L2HGDH: variants seen among roughly 807,000 people sequenced by gnomAD.
L2HGDH encodes L-2-hydroxyglutarate dehydrogenase, mitochondrial.
Under a neutral mutation model 51.5 loss-of-function variants are expected in L2HGDH, and 34 were observed. The observed-to-expected ratio is 0.66, with a 90% CI of 0.50 to 0.88. L2HGDH has a LOEUF of 0.88. L2HGDH is among the 40% of genes least tolerant of loss of function. The pLI is 0.00. For synonymous variants in L2HGDH, 198 were observed against 197.9 expected (o/e 1.00, Z -0.01); for missense variants, 558 against 571.9 (o/e 0.98, Z 0.25).
chr14:50,275,675 T>A (rs1889938407), intron 6 of L2HGDH, among the ~76,000 whole-genome samples: 1 of 152,230 alleles, frequency 6.6e-6, no homozygotes. Flanking sequence ...TAGCACTAGC[T>A]GGCTGGCAAC....
intron 4 of L2HGDH, among the ~76,000 whole-genome samples, chr14:50,290,128 G>T (rs1415955002): frequency 1.3e-5 from 2 of 152,212 alleles, no homozygotes; most frequent in East Asian, 1.9e-4. Context: ...TTAGCCAGGT[G>T]TGGTGGTGGG....
intron 4 of L2HGDH, chr14:50,293,353 G>T (rs543787980): frequency 1.5e-6 from 1 of 686,024 alleles, no homozygotes; most frequent in Non-Finnish European, 2.6e-6. Context: ...CAAATGGACT[G>T]TAGATCTAAA....
In L2HGDH at chr14:50,245,079, C is replaced by G. The variant is rs1887938804; in HGVS notation, c.*1979G>C. 2.0e-6 allele frequency: 2 copies of G among 985,658 alleles called. No individual in the cohort carries two copies. The highest frequency in any genetic ancestry group is 9.4e-5 in the South Asian group (2 of 21,292). 61.1% of individuals were successfully genotyped at this position (985,658 alleles called of 1,614,324 possible). ...CAGCACTGGGCATCAACTTAAAATA[C>G]TCATGAGGTGAATGTAAGGCACTTT... On this transcript the variant is annotated 3_prime_UTR_variant, in exon 10 of 10. Coordinates refer to ENST00000267436, the MANE Select transcript of L2HGDH (RefSeq NM_024884.3).
chr14:50,256,928 T>C (rs1263294900), intron 9 of L2HGDH, among the ~76,000 whole-genome samples: 2 of 152,142 alleles, frequency 1.3e-5, no homozygotes, highest in Non-Finnish European at 2.9e-5. Context: ...AGTTTTCTTT[T>C]CCATGTCTTA....
At chr14:50,306,408 G>A (rs2030729850) in intron 1 of L2HGDH, among the ~76,000 whole-genome samples, 1 of 152,044 alleles carries the variant, frequency 6.6e-6, no homozygotes, top group Non-Finnish European at 1.5e-5. Flanking sequence ...GTGTGTATAA[G>A]AGAGATATCT....
intron 9 of L2HGDH, among the ~76,000 whole-genome samples, chr14:50,251,804 A>T (rs1888367688): frequency 6.6e-6 from 1 of 152,096 alleles, no homozygotes; most frequent in Non-Finnish European, 1.5e-5. Flanking sequence ...AAGGAGAAAT[A>T]CTTTCCCAGA....
chr14:50,249,913 T>A (rs1309930754), intron 9 of L2HGDH, among the ~76,000 whole-genome samples: 4 of 71,150 alleles, frequency 5.6e-5, no homozygotes, highest in African/African-American at 1.1e-4. Context: ...TTTTTTTTTT[T>A]TTTTGTGAGA....
chr14:50,301,963 T>C (rs762487736), intron 3 of L2HGDH, 54 bp downstream of exon 3: 33 of 1,562,402 alleles, frequency 2.1e-5, no homozygotes, highest in Non-Finnish European at 2.8e-5. Context: ...ATATTAAACA[T>C]CACTAAGCAA....
intron 9 of L2HGDH, among the ~76,000 whole-genome samples, chr14:50,260,829 A>G (rs1188277162): frequency 6.6e-6 from 1 of 152,160 alleles, no homozygotes; most frequent in Non-Finnish European, 1.5e-5. Context: ...TAAACATTCT[A>G]CAATGGCTGG....
intron 4 of L2HGDH, among the ~76,000 whole-genome samples, chr14:50,290,543 C>T (rs1461959328): frequency 2.0e-5 from 3 of 152,184 alleles, no homozygotes; most frequent in Admixed American, 6.5e-5. Flanking sequence ...ACTATCTAGG[C>T]TTATGATCTC....
chr14:50,304,375 T>G (rs931950194), intron 1 of L2HGDH, among the ~76,000 whole-genome samples: 1 of 152,236 alleles, frequency 6.6e-6, no homozygotes, highest in Non-Finnish European at 1.5e-5. Context: ...CTCTTGACAA[T>G]GTGTTAACAC....
chr14:50,271,456 T>A (rs1346692108), intron 6 of L2HGDH, among the ~76,000 whole-genome samples: 1 of 152,252 alleles, frequency 6.6e-6, no homozygotes, highest in Non-Finnish European at 1.5e-5. Context: ...TTTTATGCTA[T>A]ATGTGAAACA....
chr14:50,269,730 G>C (rs934674261), intron 6 of L2HGDH, among the ~76,000 whole-genome samples: 1 of 151,428 alleles, frequency 6.6e-6, no homozygotes, highest in African/African-American at 2.4e-5. Flanking sequence ...AATTTTTTTT[G>C]CTCCCCCACC....
chr14:50,306,049 CT>C (rs34244656), intron 1 of L2HGDH, among the ~76,000 whole-genome samples: 62,740 of 141,150 alleles, frequency 0.44, 13,418 homozygotes, highest in East Asian at 0.65. Context: ...TTTTGACTGA[CT>C]TTTTTTTTTT....
intron 4 of L2HGDH, among the ~76,000 whole-genome samples, chr14:50,288,253 A>G (rs1890671231): frequency 6.6e-6 from 1 of 152,206 alleles, no homozygotes; most frequent in South Asian, 2.1e-4. Flanking sequence ...CGGGAAGGAC[A>G]TGTTTAATAA....
intron 1 of L2HGDH, among the ~76,000 whole-genome samples, chr14:50,307,801 C>T (rs1167463644): frequency 6.6e-6 from 1 of 152,078 alleles, no homozygotes; most frequent in Non-Finnish European, 1.5e-5. Flanking sequence ...TCTAAAAACA[C>T]ACACTACCAT....
chr14:50,282,649 TTC>T (rs1333791530), intron 5 of L2HGDH: 2 of 376,232 alleles, frequency 5.3e-6, no homozygotes, highest in Non-Finnish European at 5.3e-6. Context: ...TGTGCCTGTT[TTC>T]TCACCCTAAA....
At chr14:50,308,200 T>C (rs2030841964) in intron 1 of L2HGDH, among the ~76,000 whole-genome samples, 1 of 152,074 alleles carries the variant, frequency 6.6e-6, no homozygotes, top group Admixed American at 6.5e-5. Context: ...AGACCAGCCA[T>C]GCCAACATGG....
chr14:50,302,438 C>T (rs1182420615), intron 2 of L2HGDH, among the ~76,000 whole-genome samples: 2 of 152,202 alleles, frequency 1.3e-5, no homozygotes, highest in Non-Finnish European at 2.9e-5. Flanking sequence ...GGGCTCTTTG[C>T]ACTCTGCCTT....
Sources: gnomAD v4.1 joint callset for allele counts (sites outside exome capture counted in the v4.1 genomes callset) on GRCh38, gnomAD v4.1.1 for gene constraint, MANE v1.5 for transcripts, NCBI Gene and HGNC (gene_info 2026-07-23, HGNC 2026-07-21) for gene names.